The following CEP85L variants were observed in gnomAD, a reference collection of about 807,000 sequenced individuals.
CEP85L encodes centrosomal protein 85L.
A neutral mutation model predicts 100.3 loss-of-function variants in CEP85L; 60 were observed. The ratio of observed to expected loss-of-function variants is 0.60; its 90% CI spans 0.49 to 0.74. CEP85L has a LOEUF of 0.74. Ranked by LOEUF, CEP85L falls within the 30% of genes least tolerant of loss-of-function variation. The pLI, the probability that CEP85L is intolerant of heterozygous loss-of-function variation, is 0.00. For synonymous variants in CEP85L, 319 were observed against 322.7 expected (o/e 0.99, Z 0.12); for missense variants, 973 against 936.2 (o/e 1.04, Z -0.51).
intron 6 of CEP85L, among the ~76,000 whole-genome samples, chr6:118,490,968 A>G (rs1774515351): frequency 6.6e-6 from 1 of 151,950 alleles, no homozygotes; most frequent in Non-Finnish European, 1.5e-5. Flanking sequence ...TTGCAATTGC[A>G]AATTGTGCTG....
intron 2 of CEP85L, among the ~76,000 whole-genome samples, chr6:118,619,062 C>A (rs189941663): frequency 2.4e-4 from 37 of 151,578 alleles, no homozygotes; most frequent in Admixed American, 6.5e-4. Flanking sequence ...ATCATGCGCT[C>A]CGAGCACAAT....
chr6:118,687,822 C>T (rs1427743120), intron 1 of CEP85L, among the ~76,000 whole-genome samples: 1 of 152,172 alleles, frequency 6.6e-6, no homozygotes, highest in African/African-American at 2.4e-5. Context: ...TCTGGCAGGG[C>T]ACCTCCTGAT....
At chr6:118,567,009 G>GT (rs1309274922) in intron 2 of CEP85L, among the ~76,000 whole-genome samples, 1 of 151,782 alleles carries the variant, frequency 6.6e-6, no homozygotes, top group African/African-American at 2.4e-5. Flanking sequence ...CAGAAAAATG[G>GT]TATTTTTCAG....
At chr6:118,546,527 G>A (rs1292904134) in intron 3 of CEP85L, among the ~76,000 whole-genome samples, 1 of 152,086 alleles carries the variant, frequency 6.6e-6, no homozygotes, top group Non-Finnish European at 1.5e-5. Flanking sequence ...ACTATTAACA[G>A]TGCTCAAGAA....
intron 2 of CEP85L, among the ~76,000 whole-genome samples, chr6:118,597,699 G>A (rs1781526654): frequency 1.3e-5 from 2 of 152,282 alleles, no homozygotes; most frequent in South Asian, 4.1e-4. Flanking sequence ...ATAAAACAAT[G>A]CACAACAGGA....
At chr6:118,562,708 G>A (rs904228836) in intron 3 of CEP85L, among the ~76,000 whole-genome samples, 3 of 151,994 alleles carry the variant, frequency 2.0e-5, no homozygotes, top group African/African-American at 4.8e-5. Context: ...AATATGTATA[G>A]GTGCCAATAC....
At chr6:118,575,377 G>C (rs893032968) in intron 2 of CEP85L, among the ~76,000 whole-genome samples, 1 of 152,216 alleles carries the variant, frequency 6.6e-6, no homozygotes, top group Non-Finnish European at 1.5e-5. Context: ...TTTGAATCCA[G>C]TTAGGACTGG....
At chr6:118,643,710 T>TA (rs1395679894) in intron 1 of CEP85L, among the ~76,000 whole-genome samples, 1 of 152,234 alleles carries the variant, frequency 6.6e-6, no homozygotes, top group African/African-American at 2.4e-5. Flanking sequence ...GGGGTAGAGT[T>TA]ACTTTTCTGA....
chr6:118,691,714 G>A (rs1440888123), intron 1 of CEP85L, among the ~76,000 whole-genome samples: 1 of 150,550 alleles, frequency 6.6e-6, no homozygotes, highest in Non-Finnish European at 1.5e-5. Context: ...ACTCCAGCCT[G>A]GGCAACAAGA....
intron 2 of CEP85L, among the ~76,000 whole-genome samples, chr6:118,606,689 C>G (rs566783800): frequency 2.0e-5 from 3 of 152,202 alleles, no homozygotes; most frequent in Non-Finnish European, 4.4e-5. Flanking sequence ...CAGAGACCTG[C>G]AGCCAAATTT....
intron 3 of CEP85L, among the ~76,000 whole-genome samples, chr6:118,540,713 C>A (rs976472083): frequency 1.3e-5 from 2 of 151,780 alleles, no homozygotes; most frequent in African/African-American, 4.8e-5. Context: ...ACCAAGATCA[C>A]GCCACTGCAC....
intron 4 of CEP85L, among the ~76,000 whole-genome samples, chr6:118,516,632 G>C (rs956246525): frequency 2.0e-5 from 3 of 152,138 alleles, no homozygotes; most frequent in Non-Finnish European, 4.4e-5. Flanking sequence ...AGTTATTGTA[G>C]ATTCTGGATA....
chr6:118,694,408 T>G (rs988017893), intron 1 of CEP85L, among the ~76,000 whole-genome samples: 3 of 152,226 alleles, frequency 2.0e-5, no homozygotes, highest in Admixed American at 6.5e-5. Context: ...GTATCATATT[T>G]TACCAATTTA....
In CEP85L at chr6:118,470,561, C is replaced by T; in HGVS notation, c.1998G>A (p.Gln666=). Residue 666 remains glutamine (Q), a synonymous_variant, in exon 11 of 13, where the codon CAG becomes CAA. Transcript: ENST00000368491. ...EELEKKERNV[Q]RLTKALLENQ... ...CTTCAAGCAATGCTTTTGTTAATCT[C>T]TGTACATTTCTTTCTTTCTTTTCCA... The T allele has an allele frequency of 6.2e-7, 1 of 1,602,250 alleles. No homozygotes were observed. Among genetic ancestry groups the T allele is most frequent in the Non-Finnish European group, 8.5e-7 (1 of 1,173,950 alleles).
chr6:118,654,789 T>C (rs544636253), upstream of CEP85L, among the ~76,000 whole-genome samples: 375 of 152,352 alleles, frequency 2.5e-3, no homozygotes, highest in Non-Finnish European at 2.9e-3. Flanking sequence ...ACAGGATTGC[T>C]GTGGGGTTTA....
chr6:118,579,710 A>G (rs1383947273), intron 2 of CEP85L, among the ~76,000 whole-genome samples: 1 of 152,262 alleles, frequency 6.6e-6, no homozygotes, highest in Admixed American at 6.5e-5. Context: ...TAATCTCCCT[A>G]TGTTATAGGA....
chr6:118,505,480 C>CT (rs1775596259), intron 5 of CEP85L, among the ~76,000 whole-genome samples: 1 of 145,760 alleles, frequency 6.9e-6, no homozygotes, highest in Non-Finnish European at 1.5e-5. Context: ...TATATGCATT[C>CT]CTGGAAAACC....
intron 2 of CEP85L, among the ~76,000 whole-genome samples, chr6:118,578,456 G>A (rs957879972): frequency 6.6e-6 from 1 of 152,236 alleles, no homozygotes; most frequent in Non-Finnish European, 1.5e-5. Context: ...CTTTGGCCGG[G>A]AGCGGTGGCT....
intron 10 of CEP85L, among the ~76,000 whole-genome samples, chr6:118,476,649 A>C (rs1773402903): frequency 6.6e-6 from 1 of 152,192 alleles, no homozygotes; most frequent in Admixed American, 6.5e-5. Context: ...TAAAAATTGG[A>C]ATAGAATTTT....
Sources: gnomAD v4.1 joint callset for allele counts (sites outside exome capture counted in the v4.1 genomes callset) on GRCh38, gnomAD v4.1.1 for gene constraint, MANE v1.5 for transcripts, NCBI Gene and HGNC (gene_info 2026-07-23, HGNC 2026-07-21) for gene names.